The following LRRC72 variants were observed in gnomAD, a reference collection of about 807,000 sequenced individuals.
The protein encoded by LRRC72 is leucine rich repeat containing 72.
Under a neutral mutation model 35.8 loss-of-function variants are expected in LRRC72, and 41 were observed. That is an observed-to-expected ratio of 1.15 (90% CI 0.89 to 1.49). The LOEUF (loss-of-function observed/expected upper bound fraction) is 1.49. Among genes scored for constraint, LRRC72 ranks in the 40% most tolerant of loss-of-function variants. The probability of loss-of-function intolerance (pLI) is 0.00; values close to 1 mark genes in which losing one functional copy is unlikely to be tolerated. For missense variants in LRRC72, 389 were observed against 330.7 expected, an observed-to-expected ratio of 1.18 and a Z score of -1.37; for synonymous variants, 118 against 119.2, an observed-to-expected ratio of 0.99 and a Z score of 0.07.
chr7:16,571,775 G>A lies in LRRC72; in HGVS notation c.670+4232G>A, dbSNP rs549578115. ...AGCACAAAACTGGGCGGCCATTTGG[G>A]CAGACACCGAGTTAGATGCAGGAGG... On this transcript the variant is annotated intron_variant, in intron 7 of 8. Coordinates refer to ENST00000401542, the MANE Select transcript of LRRC72 (RefSeq NM_001195280.2). Among the ~76,000 whole-genome samples the A allele has an allele frequency of 2.0e-5, 3 of 152,296 alleles. No individual in the cohort carries two copies. In the South Asian group the frequency reaches 6.2e-4, roughly 32 times the overall value.
At chr7:16,579,613 G>A (rs552015449) in intron 7 of LRRC72, among the ~76,000 whole-genome samples, 7 of 152,156 alleles carry the variant, frequency 4.6e-5, no homozygotes, top group South Asian at 4.1e-4. Flanking sequence ...TGTTTATTCC[G>A]TTTCTTTAAA....
At chr7:16,564,955 C>T (rs1008851508) in intron 5 of LRRC72, among the ~76,000 whole-genome samples, 23 of 152,218 alleles carry the variant, frequency 1.5e-4, no homozygotes, top group Non-Finnish European at 7.4e-5. Context: ...TTTATCAAAC[C>T]TGTATTTTAT....
intron 7 of LRRC72, among the ~76,000 whole-genome samples, chr7:16,577,478 C>T (rs1033938202): frequency 6.6e-6 from 1 of 152,022 alleles, no homozygotes; most frequent in African/African-American, 2.4e-5. Flanking sequence ...CCAATCAAAG[C>T]CTCACACAAA....
At chr7:16,558,153 A>T (rs1302907913) in intron 4 of LRRC72, among the ~76,000 whole-genome samples, 2 of 152,220 alleles carry the variant, frequency 1.3e-5, no homozygotes, top group Non-Finnish European at 2.9e-5. Context: ...GAAAATACTT[A>T]GCTATGCAAT....
At chr7:16,577,664 T>A (rs1783065130) in intron 7 of LRRC72, among the ~76,000 whole-genome samples, 1 of 152,132 alleles carries the variant, frequency 6.6e-6, no homozygotes, top group Admixed American at 6.6e-5. Flanking sequence ...ATAACATATA[T>A]AATAGGCAGA....
At position 16,537,634 on chromosome 7, in the gene LRRC72, A is replaced by T; in HGVS notation, c.172A>T (p.Thr58Ser). ...FELFLSKKEL[T>S]EVIDLSRFKK... The stretch of plus-strand genomic sequence containing the variant: ...TTTTTTTTTTCTTTCCAGGGAACTG[A>T]CAGAGGTCATTGATCTTTCTAGGTT... Residue 58 changes from threonine to serine, a missense_variant, in exon 3 of 9, where the codon ACA (threonine) becomes TCA (serine). By Grantham distance (58) the Thr-to-Ser change is moderately conservative. Transcript: ENST00000401542. 6.6e-7 allele frequency: 1 copy of T among 1,526,136 alleles called. No homozygotes were observed. The highest frequency in any genetic ancestry group is 8.8e-7 in the Non-Finnish European group (1 of 1,132,454). The allele number at this position is 1,526,136 out of a possible 1,614,324, so 94.5% of individuals were successfully genotyped here.
intron 3 of LRRC72, among the ~76,000 whole-genome samples, chr7:16,552,367 C>T (rs112427044): frequency 6.7e-5 from 10 of 150,104 alleles, no homozygotes; most frequent in African/African-American, 2.2e-4. Flanking sequence ...CTCTGGAACA[C>T]GCAGAAATGG....
chr7:16,564,463 T>C (rs1021674760), intron 5 of LRRC72, among the ~76,000 whole-genome samples: 1 of 152,158 alleles, frequency 6.6e-6, no homozygotes, highest in Non-Finnish European at 1.5e-5. Context: ...TTAAAATCCT[T>C]CTCTTTCAAG....
At chr7:16,570,531 A>G (rs756969776) in intron 7 of LRRC72, among the ~76,000 whole-genome samples, 10 of 152,212 alleles carry the variant, frequency 6.6e-5, no homozygotes, top group Non-Finnish European at 1.3e-4. Context: ...TACTTAAAAT[A>G]TAACTCGCCA....
At chr7:16,533,064 T>C (rs1016373014) in intron 2 of LRRC72, among the ~76,000 whole-genome samples, 3 of 152,170 alleles carry the variant, frequency 2.0e-5, no homozygotes, top group African/African-American at 7.2e-5. Flanking sequence ...AGGGTTGTTG[T>C]GAAGCTTAGG....
At chr7:16,575,922 C>CTGG (rs1312471712) in intron 7 of LRRC72, among the ~76,000 whole-genome samples, 1 of 152,130 alleles carries the variant, frequency 6.6e-6, no homozygotes, top group Non-Finnish European at 1.5e-5. Context: ...ATCTACATTT[C>CTGG]TTTTGTTTAA....
chr7:16,556,490 T>A (rs529605937), intron 3 of LRRC72, among the ~76,000 whole-genome samples: 77 of 152,226 alleles, frequency 5.1e-4, no homozygotes, highest in Non-Finnish European at 8.2e-4. Flanking sequence ...ATACTGTGCC[T>A]TGCCCTCTAA....
intron 2 of LRRC72, among the ~76,000 whole-genome samples, chr7:16,534,340 A>G (rs572512084): frequency 1.3e-5 from 2 of 152,346 alleles, no homozygotes; most frequent in African/African-American, 4.8e-5. Context: ...TTGATTTAGG[A>G]CAGGTTTATG....
intron 5 of LRRC72, among the ~76,000 whole-genome samples, chr7:16,561,646 T>C (rs1461690152): frequency 6.6e-6 from 1 of 152,216 alleles, no homozygotes; most frequent in African/African-American, 2.4e-5. Flanking sequence ...CAGTTGAGAA[T>C]CTTGTTGTGG....
chr7:16,534,830 C>T (rs899462775), intron 2 of LRRC72, among the ~76,000 whole-genome samples: 2 of 152,134 alleles, frequency 1.3e-5, no homozygotes, highest in Non-Finnish European at 2.9e-5. Flanking sequence ...TCCAAGTACT[C>T]TTTCCCTGAA....
chr7:16,556,016 AC>A (rs1292087811), intron 3 of LRRC72, among the ~76,000 whole-genome samples: 13 of 151,972 alleles, frequency 8.6e-5, no homozygotes, highest in African/African-American at 2.9e-4. Context: ...CCATGTCTCA[AC>A]TTCACAATGC....
At chr7:16,556,133 C>T (rs1415369830) in intron 3 of LRRC72, among the ~76,000 whole-genome samples, 1 of 151,708 alleles carries the variant, frequency 6.6e-6, no homozygotes, top group African/African-American at 2.4e-5. Flanking sequence ...TACAGTTTAG[C>T]ATTGAATACC....
intron 7 of LRRC72, among the ~76,000 whole-genome samples, chr7:16,578,937 G>C (rs1783092827): frequency 6.6e-6 from 1 of 152,164 alleles, no homozygotes; most frequent in Non-Finnish European, 1.5e-5. Context: ...GCAGAGAGTA[G>C]AATGGTGATT....
At chr7:16,564,177 G>A (rs986829659) in intron 5 of LRRC72, among the ~76,000 whole-genome samples, 3 of 152,176 alleles carry the variant, frequency 2.0e-5, no homozygotes, top group African/African-American at 7.2e-5. Flanking sequence ...ACTTCCAGAT[G>A]CTATAATGTA....
Sources: allele counts gnomAD v4.1 joint callset (sites outside exome capture counted in the v4.1 genomes callset), GRCh38; gene constraint gnomAD v4.1.1; transcripts MANE v1.5; gene names NCBI Gene and HGNC (gene_info 2026-07-23, HGNC 2026-07-21).